The following OCA2 variants were observed in gnomAD, a reference collection of about 807,000 sequenced individuals.
OCA2 encodes the protein P protein.
In OCA2, 77 loss-of-function variants were observed where a neutral mutation model predicts 100.2. The observed-to-expected ratio is 0.77, with a 90% CI of 0.64 to 0.93. The LOEUF (loss-of-function observed/expected upper bound fraction) is 0.93. Among genes scored for constraint, OCA2 ranks in the 40% least tolerant of loss-of-function variants. The pLI is 0.00. For synonymous variants in OCA2, 432 were observed against 439.2 expected (o/e 0.98, Z 0.21); for missense variants, 1,062 against 1,089.1 (o/e 0.98, Z 0.35).
At chr15:27,771,131 C>A (rs1469946030) in intron 23 of OCA2, among the ~76,000 whole-genome samples, 1 of 138,498 alleles carries the variant, frequency 7.2e-6, no homozygotes, top group African/African-American at 2.6e-5. Context: ...CTTTCCTTCC[C>A]TCCCTTCCTT....
intron 23 of OCA2, among the ~76,000 whole-genome samples, chr15:27,792,237 G>T (rs559269745): frequency 6.6e-6 from 1 of 152,124 alleles, no homozygotes; most frequent in African/African-American, 2.4e-5. Flanking sequence ...TCTCTTGCCT[G>T]CCTTTCTTCC....
intron 1 of OCA2, among the ~76,000 whole-genome samples, chr15:28,091,752 T>G (rs1339108460): frequency 6.6e-6 from 1 of 152,096 alleles, no homozygotes; most frequent in African/African-American, 2.4e-5. Context: ...GGTCAGGAGT[T>G]TGAGACCAGC....
At position 27,983,447 on chromosome 15, in the gene OCA2, G is replaced by T. The variant is rs367772807; in HGVS notation, c.1401C>A (p.Val467=). ...CEVLNLDPRQ[V]LIAEVIFTNI... ...TTGTGAAGATCACTTCTGCAATCAG[G>T]ACTTGTCTTGGATCAAGGTTGAGCA... Residue 467 remains valine (V), a synonymous_variant, in exon 14 of 24, where the codon GTC becomes GTA. Transcript: ENST00000354638. The T allele has an allele frequency of 5.5e-5, 89 of 1,614,208 alleles. No homozygotes were observed. The highest frequency in any genetic ancestry group is 4.3e-4 in the Admixed American group (26 of 60,022).
At chr15:27,848,640 C>T (rs1478950576) in intron 22 of OCA2, among the ~76,000 whole-genome samples, 2 of 152,272 alleles carry the variant, frequency 1.3e-5, no homozygotes, top group East Asian at 3.8e-4. Context: ...ATGCCTGGCT[C>T]TGTTTTTGAT....
chr15:27,975,787 T>A (rs1166567148), intron 14 of OCA2, among the ~76,000 whole-genome samples: 2 of 152,208 alleles, frequency 1.3e-5, no homozygotes, highest in Non-Finnish European at 2.9e-5. Context: ...GTATAAATTT[T>A]AGAATCAGCT....
the OCA2 span, among the ~76,000 whole-genome samples, chr15:27,726,361 G>A: frequency 2.0e-5 from 3 of 151,912 alleles, no homozygotes; most frequent in Admixed American, 2.0e-4. Flanking sequence ...TAGACTTTAT[G>A]GGCCCAATGC....
intron 1 of OCA2, among the ~76,000 whole-genome samples, chr15:28,088,444 A>G (rs1352502027): frequency 6.6e-6 from 1 of 152,252 alleles, no homozygotes; most frequent in Non-Finnish European, 1.5e-5. Flanking sequence ...ATATACTTTA[A>G]TACCTAGAAC....
intron 23 of OCA2, among the ~76,000 whole-genome samples, chr15:27,770,929 T>TTTCTTCCTTCCTTCCCTCCCTCTTTC (rs2031761994): frequency 3.3e-5 from 1 of 30,218 alleles, no homozygotes; most frequent in Non-Finnish European, 7.6e-5. Context: ...CTCCCTCTTT[T>TTTCTTCCTTCCTTCCCTCCCTCTTTC]CCTTTCTTCC....
At chr15:28,015,888 G>A (rs1427068640) in intron 8 of OCA2, among the ~76,000 whole-genome samples, 2 of 152,168 alleles carry the variant, frequency 1.3e-5, no homozygotes, top group Non-Finnish European at 2.9e-5. Context: ...GTTTCAAAGT[G>A]ACTTCTGCAG....
intron 23 of OCA2, among the ~76,000 whole-genome samples, chr15:27,766,673 T>C (rs2031286979): frequency 6.6e-6 from 1 of 152,198 alleles, no homozygotes. Flanking sequence ...GGCTAGGTCC[T>C]CACCACTCAC....
intron 2 of OCA2, among the ~76,000 whole-genome samples, chr15:28,069,393 C>A (rs1401040484): frequency 6.0e-5 from 1 of 16,724 alleles, no homozygotes; most frequent in Non-Finnish European, 9.2e-5. Context: ...TCCCCCTCCC[C>A]CTCCCCCTCC....
chr15:27,899,799 T>TA (rs1448449401), intron 19 of OCA2, among the ~76,000 whole-genome samples: 1 of 152,160 alleles, frequency 6.6e-6, no homozygotes, highest in East Asian at 1.9e-4. Context: ...AGTATGTGCT[T>TA]AAACAAATTA....
chr15:27,743,599 C>T, the OCA2 span, among the ~76,000 whole-genome samples: 4 of 152,140 alleles, frequency 2.6e-5, no homozygotes, highest in Non-Finnish European at 4.4e-5. Context: ...ACGTGTCAGG[C>T]CCAGAAACAC....
chr15:27,748,928 T>C, the OCA2 span, among the ~76,000 whole-genome samples: 1 of 151,948 alleles, frequency 6.6e-6, no homozygotes, highest in Non-Finnish European at 1.5e-5. Flanking sequence ...TCAATAAAAT[T>C]CATCCAATAT....
At chr15:27,921,300 G>T (rs1198693479) in intron 19 of OCA2, among the ~76,000 whole-genome samples, 2 of 152,226 alleles carry the variant, frequency 1.3e-5, no homozygotes, top group South Asian at 4.1e-4. Context: ...CAGAATGACA[G>T]ATTTGGACTG....
At chr15:27,875,487 A>G (rs1049259885) in intron 19 of OCA2, among the ~76,000 whole-genome samples, 6 of 152,114 alleles carry the variant, frequency 3.9e-5, no homozygotes, top group Non-Finnish European at 5.9e-5. Flanking sequence ...AGTTATTTGA[A>G]TTTAGTCCTT....
At chr15:27,967,976 A>G (rs1431680809) in intron 14 of OCA2, among the ~76,000 whole-genome samples, 2 of 151,808 alleles carry the variant, frequency 1.3e-5, no homozygotes, top group African/African-American at 2.4e-5. Context: ...ATAAGTCAGC[A>G]GCGTCATTGG....
At chr15:28,014,313 T>C (rs913086398) in intron 9 of OCA2, among the ~76,000 whole-genome samples, 3 of 152,182 alleles carry the variant, frequency 2.0e-5, no homozygotes, top group African/African-American at 7.2e-5. Context: ...GCCAAGTTGG[T>C]AGACGGAACA....
intron 19 of OCA2, among the ~76,000 whole-genome samples, chr15:27,922,625 G>T (rs2140343199): frequency 6.6e-6 from 1 of 151,834 alleles, no homozygotes; most frequent in Non-Finnish European, 1.5e-5. Context: ...AGATAGACTA[G>T]TATCTACAAA....
Sources: gnomAD v4.1 joint callset for allele counts (sites outside exome capture counted in the v4.1 genomes callset) on GRCh38, gnomAD v4.1.1 for gene constraint, MANE v1.5 for transcripts, NCBI Gene and HGNC (gene_info 2026-07-23, HGNC 2026-07-21) for gene names.